Variants in LOC128125817 observed in about 807,000 individuals in gnomAD.
chr1:41,626,299 C>T, the LOC128125817 span, among the ~76,000 whole-genome samples: 1 of 152,352 alleles, frequency 6.6e-6, no homozygotes, highest in East Asian at 1.9e-4. Flanking sequence ...GCCGTGATCA[C>T]CTGGACTCCA....
chr1:41,620,888 C>T, the LOC128125817 span, among the ~76,000 whole-genome samples: 9 of 152,206 alleles, frequency 5.9e-5, no homozygotes, highest in African/African-American at 2.2e-4. Flanking sequence ...GTGCTGGGTA[C>T]CGGAGGCATT....
At chr1:41,603,529 T>G in the LOC128125817 span, among the ~76,000 whole-genome samples, 1 of 151,960 alleles carries the variant, frequency 6.6e-6, no homozygotes, top group Non-Finnish European at 1.5e-5. Flanking sequence ...CCATCTAATT[T>G]TTGTATTTTT....
chr1:41,622,615 A>G, the LOC128125817 span, among the ~76,000 whole-genome samples: 4 of 152,230 alleles, frequency 2.6e-5, no homozygotes, highest in Non-Finnish European at 4.4e-5. Context: ...TGCCCGGCAA[A>G]GCTTCAAATA....
chr1:41,627,618 G>T, the LOC128125817 span, among the ~76,000 whole-genome samples: 6 of 152,168 alleles, frequency 3.9e-5, no homozygotes, highest in Non-Finnish European at 8.8e-5. Flanking sequence ...GCTGCCTGTG[G>T]CCCCATCCCC....
At chr1:41,596,238 C>G in the LOC128125817 span, among the ~76,000 whole-genome samples, 1 of 152,172 alleles carries the variant, frequency 6.6e-6, no homozygotes, top group African/African-American at 2.4e-5. Flanking sequence ...CCTCTGAAAG[C>G]AGGTGGAAGG....
chr1:41,591,941 C>G, the LOC128125817 span, among the ~76,000 whole-genome samples: 2 of 152,096 alleles, frequency 1.3e-5, no homozygotes, highest in Non-Finnish European at 2.9e-5. Context: ...ATTTCTGAGT[C>G]CTCCGATCTG....
the LOC128125817 span, among the ~76,000 whole-genome samples, chr1:41,601,284 A>T: frequency 2.0e-5 from 3 of 152,120 alleles, no homozygotes. Flanking sequence ...TATTTAGGCA[A>T]AGTAATGTAA....
chr1:41,595,197 C>G, the LOC128125817 span, among the ~76,000 whole-genome samples: 5 of 152,218 alleles, frequency 3.3e-5, no homozygotes, highest in Non-Finnish European at 7.3e-5. Context: ...TCCTAATCAC[C>G]TTGCTTCCAG....
At chr1:41,596,166 C>T in the LOC128125817 span, among the ~76,000 whole-genome samples, 1 of 152,100 alleles carries the variant, frequency 6.6e-6, no homozygotes, top group East Asian at 1.9e-4. Context: ...AGATAAAGTC[C>T]CAAACTGTGA....
the LOC128125817 span, among the ~76,000 whole-genome samples, chr1:41,619,978 CTCTAGT>C: frequency 6.6e-6 from 1 of 152,178 alleles, no homozygotes; most frequent in Admixed American, 6.5e-5. Flanking sequence ...GTTTCAAGCT[CTCTAGT>C]GGGTGACTCA....
the LOC128125817 span, among the ~76,000 whole-genome samples, chr1:41,595,998 G>C: frequency 6.6e-6 from 1 of 152,134 alleles, no homozygotes. Context: ...AGAGAACCCT[G>C]ACTAATACAA....
the LOC128125817 span, among the ~76,000 whole-genome samples, chr1:41,612,913 C>A: frequency 2.0e-5 from 3 of 152,186 alleles, no homozygotes; most frequent in Non-Finnish European, 2.9e-5. Flanking sequence ...ACCGATAAAC[C>A]ATGTTTCTTG....
At chr1:41,587,753 G>A in the LOC128125817 span, among the ~76,000 whole-genome samples, 48 of 152,222 alleles carry the variant, frequency 3.2e-4, 1 homozygote, top group East Asian at 7.9e-3. Flanking sequence ...AAAATCACAC[G>A]GGAATGGTGG....
the LOC128125817 span, among the ~76,000 whole-genome samples, chr1:41,590,898 A>T: frequency 6.6e-6 from 1 of 152,124 alleles, no homozygotes; most frequent in African/African-American, 2.4e-5. Flanking sequence ...CTGCAGCTGA[A>T]CCCTGGCTCC....
chr1:41,621,867 C>T, the LOC128125817 span, among the ~76,000 whole-genome samples: 3 of 152,164 alleles, frequency 2.0e-5, no homozygotes, highest in African/African-American at 7.2e-5. Context: ...ACTTCCTGAC[C>T]TCCCTATCTC....
At chr1:41,600,268 T>A in the LOC128125817 span, among the ~76,000 whole-genome samples, 1 of 152,332 alleles carries the variant, frequency 6.6e-6, no homozygotes, top group South Asian at 2.1e-4. Flanking sequence ...TGTGTACATC[T>A]ATGTTCATAG....
the LOC128125817 span, among the ~76,000 whole-genome samples, chr1:41,619,112 C>A: frequency 1.3e-5 from 2 of 152,192 alleles, no homozygotes; most frequent in African/African-American, 4.8e-5. Context: ...CTGCCTCTCC[C>A]TTCCAGCCTC....
the LOC128125817 span, among the ~76,000 whole-genome samples, chr1:41,590,878 C>G: frequency 6.6e-6 from 1 of 152,150 alleles, no homozygotes; most frequent in African/African-American, 2.4e-5. Context: ...AGCTTTGAGA[C>G]TCAGGCAGCC....
the LOC128125817 span, among the ~76,000 whole-genome samples, chr1:41,596,386 T>A: frequency 6.6e-6 from 1 of 152,024 alleles, no homozygotes; most frequent in Non-Finnish European, 1.5e-5. Flanking sequence ...AGTCCATAGA[T>A]AGCCTGTGTT....
Sources: allele counts gnomAD v4.1 joint callset (sites outside exome capture counted in the v4.1 genomes callset), GRCh38; gene constraint gnomAD v4.1.1; transcripts MANE v1.5.